The following MMP26 variants were observed in gnomAD, a reference collection of about 807,000 sequenced individuals.
The protein encoded by MMP26 is matrix metallopeptidase 26, also known as matrix metalloproteinase-26.
In MMP26, 33 loss-of-function variants were observed where a neutral mutation model predicts 31.0. The ratio of observed to expected loss-of-function variants is 1.06; its 90% CI spans 0.81 to 1.42. The LOEUF is 1.42. Among genes scored for constraint, MMP26 ranks in the 40% most tolerant of loss-of-function variants. The pLI is 0.00. For missense variants in MMP26, 347 were observed against 316.1 expected (o/e 1.10, Z -0.74); for synonymous variants, 122 against 114.9 (o/e 1.06, Z -0.40).
chr11:4,718,388 G>C (rs956495666), intron 1 of MMP26, among the ~76,000 whole-genome samples: 1 of 152,146 alleles, frequency 6.6e-6, no homozygotes, highest in African/African-American at 2.4e-5. Flanking sequence ...TGCAAATTCT[G>C]TATCCTCAGG....
chr11:4,757,932 A>AAAAAC (rs1276465458), intron 1 of MMP26, among the ~76,000 whole-genome samples: 1 of 152,210 alleles, frequency 6.6e-6, no homozygotes, highest in Non-Finnish European at 1.5e-5. Flanking sequence ...AGCCACTTTG[A>AAAAAC]AAAACAGATT....
At chr11:4,719,461 C>T (rs1242828386) in intron 1 of MMP26, 1 of 153,852 alleles carries the variant, frequency 6.5e-6, no homozygotes, top group Non-Finnish European at 1.5e-5. Context: ...TGCCTACCTA[C>T]TAATCCCTCC....
intron 2 of MMP26, among the ~76,000 whole-genome samples, chr11:4,873,429 C>T (rs1397269337): frequency 5.9e-5 from 9 of 152,076 alleles, no homozygotes; most frequent in Non-Finnish European, 1.2e-4. Flanking sequence ...AGTGCAAAGT[C>T]ATTGAGACAG....
At position 4,804,239 on chromosome 11, in the gene MMP26, G is replaced by C. The variant is rs139126807; in HGVS notation, c.-145+36898G>C. ...TGGTCAATTCTGATTACATGGAGGAGAGTGATATTTCCAACAACAGCCACA... is the reference window on the plus strand; with the variant it reads ...TGGTCAATTCTGATTACATGGAGGACAGTGATATTTCCAACAACAGCCACA... On this transcript the variant is annotated intron_variant, in intron 2 of 7. Transcript: ENST00000380390. The C allele has an allele frequency of 5.0e-6, 8 of 1,613,878 alleles. No individual in the cohort carries two copies. In the South Asian group the frequency reaches 8.8e-5, roughly 18 times the overall value.
intron 2 of MMP26, among the ~76,000 whole-genome samples, chr11:4,857,800 G>A (rs1321660606): frequency 6.6e-6 from 1 of 152,186 alleles, no homozygotes; most frequent in Non-Finnish European, 1.5e-5. Context: ...CAATATCCCT[G>A]ATGAACATCA....
chr11:4,849,358 A>G, intron 2 of MMP26: 1 of 733,826 alleles, frequency 1.4e-6, no homozygotes, highest in Non-Finnish European at 2.2e-6. Context: ...ACATATACAC[A>G]TTTCCTCCCT....
intron 2 of MMP26, among the ~76,000 whole-genome samples, chr11:4,798,080 T>C (rs1849131109): frequency 6.6e-6 from 1 of 152,242 alleles, no homozygotes; most frequent in Admixed American, 6.5e-5. Flanking sequence ...GGCTGGCATC[T>C]GGAGGACTTC....
intron 2 of MMP26, among the ~76,000 whole-genome samples, chr11:4,838,313 TC>T (rs1849747213): frequency 2.1e-5 from 1 of 47,746 alleles, no homozygotes; most frequent in Admixed American, 3.6e-4. Flanking sequence ...CAAGACTCTG[TC>T]TAAAAAAAAA....
At position 4,950,831 on chromosome 11, in the gene MMP26, T is replaced by C. The variant is rs373928689; in HGVS notation, c.-144-37237T>C. ...TGCAAATTAATATCACAATGAGGTA[T>C]TATATCATACCCATTAGAATGGCTA... On this transcript the variant is annotated intron_variant, in intron 2 of 7. Transcript: ENST00000380390. Among the ~76,000 whole-genome samples, 43 of 123,590 alleles carry C rather than the reference T, an allele frequency of 3.5e-4. 9 individuals carry two copies. Among genetic ancestry groups the C allele is most frequent in the African/African-American group, 1.0e-3 (37 of 36,616 alleles). 81.1% of individuals were successfully genotyped at this position (123,590 alleles called of 152,430 possible).
chr11:4,769,097 A>T (rs1848671397), intron 2 of MMP26: 4 of 1,592,966 alleles, frequency 2.5e-6, no homozygotes, highest in African/African-American at 2.7e-5. Context: ...CACTGAATGG[A>T]CTACTCTGGG....
At chr11:4,705,163 G>A (rs1401083799) in intron 1 of MMP26, 118 bp downstream of exon 1, 1 of 152,164 alleles carries the variant, frequency 6.6e-6, no homozygotes, top group African/African-American at 2.4e-5. Flanking sequence ...GAACTCAGTA[G>A]TGTATTTTCA....
chr11:4,801,097 A>T (rs1270874094), intron 2 of MMP26, among the ~76,000 whole-genome samples: 2 of 152,192 alleles, frequency 1.3e-5, no homozygotes, highest in African/African-American at 4.8e-5. Context: ...TATTTCTATC[A>T]GCATTTTGGT....
chr11:4,707,807 G>A (rs1489967582), intron 1 of MMP26, among the ~76,000 whole-genome samples: 1 of 152,160 alleles, frequency 6.6e-6, no homozygotes, highest in East Asian at 1.9e-4. Flanking sequence ...TCATTTAATA[G>A]ATACTTTTAG....
At chr11:4,812,947 T>C (rs1341004723) in intron 2 of MMP26, among the ~76,000 whole-genome samples, 2 of 152,046 alleles carry the variant, frequency 1.3e-5, no homozygotes, top group Admixed American at 6.5e-5. Context: ...GATTTTCTTT[T>C]TTTTTTCCAC....
chr11:4,946,432 G>C (rs777300381), intron 2 of MMP26: 1 of 1,609,944 alleles, frequency 6.2e-7, no homozygotes, highest in East Asian at 2.2e-5. Context: ...GTACAGTCTT[G>C]AGGATCAGGG....
chr11:4,898,937 T>C (rs1043301926), intron 2 of MMP26, among the ~76,000 whole-genome samples: 1 of 151,678 alleles, frequency 6.6e-6, no homozygotes, highest in African/African-American at 2.4e-5. Context: ...AAAGATAATT[T>C]GACAGTCAAG....
chr11:4,824,453 A>G (rs149606168), intron 2 of MMP26, among the ~76,000 whole-genome samples: 1 of 152,216 alleles, frequency 6.6e-6, no homozygotes, highest in East Asian at 1.9e-4. Flanking sequence ...CTTCATTCTC[A>G]TTGTTAATAG....
At chr11:4,817,315 G>A (rs1038179653) in intron 2 of MMP26, among the ~76,000 whole-genome samples, 1 of 152,134 alleles carries the variant, frequency 6.6e-6, no homozygotes, top group Non-Finnish European at 1.5e-5. Context: ...TGGGCATGGT[G>A]ATTTATGCCT....
chr11:4,964,857 G>A (rs569448050), intron 2 of MMP26, among the ~76,000 whole-genome samples: 4 of 152,212 alleles, frequency 2.6e-5, no homozygotes, highest in Non-Finnish European at 4.4e-5. Flanking sequence ...TATAAGTGGA[G>A]GCTGAATTAT....
Sources: allele counts gnomAD v4.1 joint callset (sites outside exome capture counted in the v4.1 genomes callset), GRCh38; gene constraint gnomAD v4.1.1; transcripts MANE v1.5; gene names NCBI Gene and HGNC (gene_info 2026-07-23, HGNC 2026-07-21).